Variants in MCTP1 observed in about 807,000 individuals in gnomAD.
MCTP1 encodes the protein multiple C2 and transmembrane domain-containing protein 1.
A neutral mutation model predicts 120.6 loss-of-function variants in MCTP1; 69 were observed. That is an observed-to-expected ratio of 0.57 (90% CI 0.47 to 0.70). The LOEUF (loss-of-function observed/expected upper bound fraction) is 0.70, where lower values mean the gene tolerates loss of function less well. Among genes scored for constraint, MCTP1 ranks in the 30% least tolerant of loss-of-function variants. The pLI is 0.00. For missense variants in MCTP1, 1,203 were observed against 1,248.8 expected, an observed-to-expected ratio of 0.96 and a Z score of 0.55; for synonymous variants, 529 against 493.1, an observed-to-expected ratio of 1.07 and a Z score of -0.96.
intron 2 of MCTP1, among the ~76,000 whole-genome samples, chr5:94,991,792 G>A (rs1247190092): frequency 4.0e-5 from 6 of 151,760 alleles, no homozygotes; most frequent in Admixed American, 1.3e-4. Flanking sequence ...CAGGAGAATC[G>A]CTTGAACCCA....
chr5:95,049,023 G>A (rs985870261), intron 1 of MCTP1, among the ~76,000 whole-genome samples: 1 of 152,144 alleles, frequency 6.6e-6, no homozygotes, highest in African/African-American at 2.4e-5. Context: ...AAAAGGCACT[G>A]GCAGTAAAGC....
chr5:95,152,429 C>T (rs1466498292), intron 1 of MCTP1, among the ~76,000 whole-genome samples: 1 of 152,102 alleles, frequency 6.6e-6, no homozygotes, highest in African/African-American at 2.4e-5. Flanking sequence ...TAATTCTCAG[C>T]TATTCTTTTT....
At chr5:94,929,503 TA>T (rs1003943223) in intron 6 of MCTP1, 1 of 347,266 alleles carries the variant, frequency 2.9e-6, no homozygotes, top group Non-Finnish European at 4.0e-6. Context: ...TTTCCAAAAA[TA>T]AAAAACGAAA....
At chr5:94,922,638 G>A (rs980070609) in intron 7 of MCTP1, among the ~76,000 whole-genome samples, 9 of 151,956 alleles carry the variant, frequency 5.9e-5, no homozygotes, top group Admixed American at 1.3e-4. Context: ...ACATGCATGC[G>A]CCACCATGCC....
chr5:95,060,352 C>A (rs1385437011), intron 1 of MCTP1, among the ~76,000 whole-genome samples: 1 of 152,170 alleles, frequency 6.6e-6, no homozygotes, highest in South Asian at 2.1e-4. Context: ...TAGAACCCGG[C>A]ACACTTTTGA....
chr5:95,170,387 G>C (rs561625638), intron 1 of MCTP1, among the ~76,000 whole-genome samples: 1 of 152,228 alleles, frequency 6.6e-6, no homozygotes, highest in Non-Finnish European at 1.5e-5. Context: ...TGTATATTCT[G>C]TTGATTTCAG....
chr5:94,743,621 C>T (rs546966823), intron 19 of MCTP1, among the ~76,000 whole-genome samples: 15 of 146,570 alleles, frequency 1.0e-4, no homozygotes, highest in Admixed American at 4.2e-4. Flanking sequence ...AAGAGAAGCT[C>T]AAAATCCACA....
chr5:94,817,460 C>T (rs1028142104), intron 17 of MCTP1, among the ~76,000 whole-genome samples: 2 of 151,472 alleles, frequency 1.3e-5, no homozygotes, highest in African/African-American at 4.9e-5. Context: ...GTTTACTATG[C>T]AGAAGGAGTT....
intron 1 of MCTP1, among the ~76,000 whole-genome samples, chr5:95,060,182 CT>C (rs11334305): frequency 0.84 from 127,366 of 151,938 alleles, 55,261 homozygotes; most frequent in Non-Finnish European, 0.97. Flanking sequence ...CTTCTCATCT[CT>C]GAGATGAGAT....
chr5:94,748,866 T>TA (rs1187374708), intron 19 of MCTP1, among the ~76,000 whole-genome samples: 3 of 152,192 alleles, frequency 2.0e-5, no homozygotes, highest in Admixed American at 1.3e-4. Context: ...AAGAGGATAT[T>TA]ACCTTGACTG....
intron 1 of MCTP1, among the ~76,000 whole-genome samples, chr5:95,170,562 TC>T (rs1481397667): frequency 6.6e-6 from 1 of 152,208 alleles, no homozygotes; most frequent in Non-Finnish European, 1.5e-5. Flanking sequence ...TTTGTAAGTC[TC>T]TAAGGACTTG....
rs549405030 is a variant in MCTP1, at chr5:94,804,180, T to C, written c.2437-5048A>G. 7.1e-4 allele frequency among the ~76,000 whole-genome samples: 108 copies of C among 152,326 alleles called. 1 individual carries two copies. In the South Asian group the frequency reaches 0.022, roughly 31 times the overall value. On this transcript the variant is annotated intron_variant, in intron 17 of 22. Transcript: ENST00000515393. ...AAAAGCTCACTAATACATATTATTC[T>C]CTCTCCAAGGAGACAATGTGGTAGG...
At chr5:94,988,679 CAAAG>C (rs1424547248) in intron 2 of MCTP1, among the ~76,000 whole-genome samples, 3 of 148,696 alleles carry the variant, frequency 2.0e-5, no homozygotes, top group African/African-American at 7.5e-5. Flanking sequence ...TCCAGTGGCT[CAAAG>C]AGTGTCTCCT....
intron 1 of MCTP1, among the ~76,000 whole-genome samples, chr5:95,215,280 G>A (rs1217488262): frequency 6.6e-6 from 1 of 152,040 alleles, no homozygotes. Context: ...TTCCTTGTCT[G>A]TTAAAACATG....
intron 1 of MCTP1, among the ~76,000 whole-genome samples, chr5:95,191,818 A>AC (rs1186300803): frequency 2.0e-5 from 3 of 151,988 alleles, no homozygotes; most frequent in Non-Finnish European, 4.4e-5. Flanking sequence ...TCTATTGCAC[A>AC]CCAATATTTT....
At chr5:94,927,265 A>G (rs1462123311) in intron 6 of MCTP1, among the ~76,000 whole-genome samples, 1 of 152,186 alleles carries the variant, frequency 6.6e-6, no homozygotes, top group East Asian at 1.9e-4. Context: ...TTCTTTGATA[A>G]TAGAAATACT....
intron 1 of MCTP1, among the ~76,000 whole-genome samples, chr5:95,050,543 A>G (rs1030263078): frequency 2.0e-5 from 3 of 152,202 alleles, no homozygotes; most frequent in Non-Finnish European, 4.4e-5. Flanking sequence ...CACTTCTGGT[A>G]GCAGCAGCCT....
At chr5:94,747,699 G>A (rs1197798003) in intron 19 of MCTP1, among the ~76,000 whole-genome samples, 3 of 151,918 alleles carry the variant, frequency 2.0e-5, no homozygotes, top group Admixed American at 6.6e-5. Flanking sequence ...CAACAGAGGC[G>A]GATCTAGAAT....
chr5:95,129,591 G>A (rs1758881277), intron 1 of MCTP1, among the ~76,000 whole-genome samples: 1 of 152,178 alleles, frequency 6.6e-6, no homozygotes, highest in South Asian at 2.1e-4. Context: ...ACTGAGTAGA[G>A]AAGATCAATG....
Sources: gnomAD v4.1 joint callset for allele counts (sites outside exome capture counted in the v4.1 genomes callset) on GRCh38, gnomAD v4.1.1 for gene constraint, MANE v1.5 for transcripts, NCBI Gene and HGNC (gene_info 2026-07-23, HGNC 2026-07-21) for gene names.